Variants in PTPRE observed in about 807,000 individuals in gnomAD.
PTPRE encodes protein tyrosine phosphatase receptor type E.
A neutral mutation model predicts 102.0 loss-of-function variants in PTPRE; 51 were observed. The ratio of observed to expected loss-of-function variants is 0.50; its 90% CI spans 0.40 to 0.63. The LOEUF (loss-of-function observed/expected upper bound fraction) is 0.63, where lower values mean the gene tolerates loss of function less well. PTPRE is among the 30% of genes least tolerant of loss of function. PTPRE has a pLI of 0.00. For missense variants in PTPRE, 752 were observed against 915.1 expected, an observed-to-expected ratio of 0.82 and a Z score of 2.30; for synonymous variants, 345 against 348.2, an observed-to-expected ratio of 0.99 and a Z score of 0.10.
chr10:127,935,869 C>G (rs188476911), intron 1 of PTPRE: 1 of 152,366 alleles, frequency 6.6e-6, no homozygotes, highest in Admixed American at 6.5e-5. Context: ...GACTACGCCT[C>G]AGAGCTGCAT....
chr10:127,912,339 A>G (rs1345223960), intron 1 of PTPRE, among the ~76,000 whole-genome samples: 1 of 152,222 alleles, frequency 6.6e-6, no homozygotes, highest in African/African-American at 2.4e-5. Flanking sequence ...TTGATTCCCA[A>G]TGAAATAGGG....
At chr10:128,001,132 G>A (rs1320214099) in intron 2 of PTPRE, among the ~76,000 whole-genome samples, 2 of 152,184 alleles carry the variant, frequency 1.3e-5, no homozygotes, top group Non-Finnish European at 2.9e-5. Flanking sequence ...TAATGTGAAA[G>A]GGCTTCCATT....
intron 1 of PTPRE, among the ~76,000 whole-genome samples, chr10:127,978,220 C>T (rs2135451208): frequency 6.6e-6 from 1 of 151,792 alleles, no homozygotes; most frequent in East Asian, 1.9e-4. Flanking sequence ...ACAAAAGAAG[C>T]AAAACAAAAC....
At chr10:127,924,114 T>C (rs568410235) in intron 1 of PTPRE, among the ~76,000 whole-genome samples, 17 of 152,302 alleles carry the variant, frequency 1.1e-4, no homozygotes, top group Admixed American at 9.8e-4. Context: ...GAGAACAAAC[T>C]CTTAAGCTTT....
intron 6 of PTPRE, among the ~76,000 whole-genome samples, chr10:128,051,671 T>C (rs531065408): frequency 1.3e-5 from 2 of 152,372 alleles, no homozygotes; most frequent in African/African-American, 4.8e-5. Flanking sequence ...CCATTAAATT[T>C]TGCACCCAGA....
intron 2 of PTPRE, among the ~76,000 whole-genome samples, chr10:128,010,636 G>T (rs1844931673): frequency 1.4e-5 from 2 of 146,712 alleles, no homozygotes; most frequent in South Asian, 2.1e-4. Context: ...AGGCTGGAGG[G>T]CAGTGAGGGC....
intron 1 of PTPRE, among the ~76,000 whole-genome samples, chr10:127,912,953 C>T (rs1025964684): frequency 2.0e-5 from 3 of 152,296 alleles, no homozygotes; most frequent in East Asian, 1.9e-4. Context: ...GTGGAAGCCA[C>T]GGGGCTTTAT....
intron 16 of PTPRE, among the ~76,000 whole-genome samples, chr10:128,072,941 C>A (rs1850909598): frequency 6.6e-6 from 1 of 152,160 alleles, no homozygotes. Context: ...GGGGGAATGG[C>A]AGCCAAGTGT....
intron 1 of PTPRE, among the ~76,000 whole-genome samples, chr10:127,955,322 A>ATACT (rs1478803794): frequency 2.0e-5 from 3 of 152,090 alleles, no homozygotes; most frequent in African/African-American, 7.2e-5. Flanking sequence ...ACATACATAC[A>ATACT]TATATACATA....
At chr10:128,069,443 C>G in intron 12 of PTPRE, 1 of 523,446 alleles carries the variant, frequency 1.9e-6, no homozygotes, top group Non-Finnish European at 3.4e-6. Flanking sequence ...ACAGCCTAAT[C>G]CGAGGCTTAC....
intron 2 of PTPRE, among the ~76,000 whole-genome samples, chr10:128,017,814 G>T (rs1435246631): frequency 1.3e-5 from 2 of 152,220 alleles, no homozygotes; most frequent in Non-Finnish European, 1.5e-5. Flanking sequence ...GAGGGGTCAG[G>T]CTGGAGGCTG....
rs576763501 is a variant in PTPRE, at chr10:127,940,832, G to A, written c.-31+33523G>A. Among the ~76,000 whole-genome samples the A allele has an allele frequency of 1.5e-4, 23 of 152,256 alleles. 1 individual carries two copies. Among genetic ancestry groups the A allele is most frequent in the South Asian group, 4.1e-4 (2 of 4,820 alleles). On this transcript the variant is annotated intron_variant, in intron 1 of 20. Coordinates refer to ENST00000254667, the MANE Select transcript of PTPRE (RefSeq NM_006504.6). ...CTGCCTGTTGTCTGCCTTGACATTC[G>A]TCCCAAGGTGCTGTGACCCAGTTCA... is the stretch of plus-strand genomic sequence containing the variant.
chr10:128,033,619 T>C (rs1382012894), intron 2 of PTPRE, among the ~76,000 whole-genome samples: 3 of 152,206 alleles, frequency 2.0e-5, no homozygotes, highest in Non-Finnish European at 4.4e-5. Context: ...GTACTTGGAA[T>C]TGATTATGGT....
chr10:128,072,162 C>T lies in PTPRE; in HGVS notation c.1412C>T (p.Ser471Phe). ...GATGACTTCAACCGAGTGATCCTTT[C>T]CATGAAAAGGGGTCAAGAATACACA... ...IPYDFNRVIL[S>F]MKRGQEYTDY... Residue 471 changes from serine (S) to phenylalanine (F), a missense_variant, in exon 16 of 21, where the codon TCC (serine) becomes TTC (phenylalanine). Around this residue, in one of 2 missense-constraint regions of PTPRE, gnomAD observed 636 missense variants for 824.4 expected, o/e 0.77. Coordinates refer to ENST00000254667, the MANE Select transcript of PTPRE (RefSeq NM_006504.6). 6.2e-7 allele frequency: 1 copy of T among 1,613,928 alleles called. No individual in the cohort carries two copies. Among genetic ancestry groups the T allele is most frequent in the African/African-American group, 1.3e-5 (1 of 74,988 alleles).
chr10:127,999,707 C>T (rs1030764058), intron 2 of PTPRE: 45 of 984,042 alleles, frequency 4.6e-5, no homozygotes, highest in Non-Finnish European at 5.2e-5. Context: ...TATTTCAACT[C>T]GAGATGAGCG....
chr10:128,079,314 T>G (rs776266896), intron 19 of PTPRE, among the ~76,000 whole-genome samples: 1 of 152,194 alleles, frequency 6.6e-6, no homozygotes, highest in Non-Finnish European at 1.5e-5. Context: ...TTGTCACTGG[T>G]CCTGTCTCAT....
chr10:128,011,929 C>T (rs946058928), intron 2 of PTPRE, among the ~76,000 whole-genome samples: 4 of 152,198 alleles, frequency 2.6e-5, no homozygotes, highest in African/African-American at 7.2e-5. Flanking sequence ...ATCCTAAGGG[C>T]GGAAACTGTC....
chr10:127,907,129 CAGCG>C lies in PTPRE; in HGVS notation c.-210_-207del. The C allele has an allele frequency of 2.9e-6, 1 of 339,130 alleles. No homozygotes were observed. Among genetic ancestry groups the C allele is most frequent in the Non-Finnish European group, 4.2e-6 (1 of 239,794 alleles). 21.0% of individuals were successfully genotyped at this position (339,130 alleles called of 1,614,324 possible). On this transcript the variant is annotated 5_prime_UTR_variant, in exon 1 of 21. Transcript: ENST00000254667. The surrounding 1 kb of genome is among the most constrained non-coding windows in gnomAD (Gnocchi z 4.8). Reference sequence around the variant, plus strand: ...GACAAATTTCCTGCTAGGCTGCGGACAGCGGGCGGCAGGAGCCGGCGCGAGCGGC... The same window carrying C: ...GACAAATTTCCTGCTAGGCTGCGGACGGCGGCAGGAGCCGGCGCGAGCGGC...
chr10:127,954,754 T>C (rs1191358679), intron 1 of PTPRE, among the ~76,000 whole-genome samples: 1 of 151,980 alleles, frequency 6.6e-6, no homozygotes, highest in Non-Finnish European at 1.5e-5. Context: ...CTTTCTCCTA[T>C]AGCCGGGATT....
Sources: gnomAD v4.1 joint callset for allele counts (sites outside exome capture counted in the v4.1 genomes callset) on GRCh38, gnomAD v4.1.1 for gene constraint, gnomAD v4.1.1 regional missense constraint, Gnocchi (gnomAD v3.1) non-coding constraint, MANE v1.5 for transcripts, NCBI Gene and HGNC (gene_info 2026-07-23, HGNC 2026-07-21) for gene names.